Variants in CNBD1 observed in about 807,000 individuals in gnomAD.
The protein encoded by CNBD1 is cyclic nucleotide-binding domain-containing protein 1.
CNBD1 carries 71 observed loss-of-function variants against 54.4 expected under a neutral mutation model. The observed-to-expected ratio is 1.30, with a 90% confidence interval of 1.08 to 1.59. CNBD1 has a LOEUF of 1.59. CNBD1 is among the 40% of genes most tolerant of loss of function. The pLI, the probability that CNBD1 is intolerant of heterozygous loss-of-function variation, is 0.00. For synonymous variants in CNBD1, 182 were observed against 170.7 expected, an observed-to-expected ratio of 1.07 and a Z score of -0.51; for missense variants, 659 against 518.0, an observed-to-expected ratio of 1.27 and a Z score of -2.64.
At chr8:86,973,715 G>A (rs1412957571) in intron 4 of CNBD1, among the ~76,000 whole-genome samples, 1 of 152,134 alleles carries the variant, frequency 6.6e-6, no homozygotes, top group Non-Finnish European at 1.5e-5. Flanking sequence ...GTACTACCAG[G>A]TGGAATTCCA....
intron 2 of CNBD1, among the ~76,000 whole-genome samples, chr8:87,420,937 A>C (rs1379718720): frequency 2.0e-5 from 3 of 152,064 alleles, no homozygotes; most frequent in Non-Finnish European, 4.4e-5. Context: ...GCTTTCAATA[A>C]ATATTGAATT....
chr8:87,162,010 C>G (rs1441060240), intron 4 of CNBD1, among the ~76,000 whole-genome samples: 1 of 151,994 alleles, frequency 6.6e-6, no homozygotes, highest in Non-Finnish European at 1.5e-5. Context: ...GAAACAATTT[C>G]AAACTTACGT....
intron 1 of CNBD1, among the ~76,000 whole-genome samples, chr8:86,877,282 A>G (rs1188767936): frequency 6.6e-6 from 1 of 152,136 alleles, no homozygotes; most frequent in Non-Finnish European, 1.5e-5. Context: ...ATTATAATCT[A>G]TGAATAAGTT....
chr8:86,920,124 A>G (rs6981203), intron 3 of CNBD1, among the ~76,000 whole-genome samples: 47,635 of 152,056 alleles, frequency 0.31, 7,622 homozygotes, highest in East Asian at 0.42. Context: ...TTTCAATGAG[A>G]TAAACTACAA....
At chr8:87,204,258 G>A (rs1246110655) in intron 4 of CNBD1, among the ~76,000 whole-genome samples, 1 of 152,224 alleles carries the variant, frequency 6.6e-6, no homozygotes, top group East Asian at 1.9e-4. Flanking sequence ...CCAAAGCCAA[G>A]GTTATGTTGT....
intron 3 of CNBD1, among the ~76,000 whole-genome samples, chr8:86,914,043 T>G (rs956134495): frequency 1.3e-5 from 2 of 151,962 alleles, no homozygotes; most frequent in Non-Finnish European, 2.9e-5. Flanking sequence ...CAGCCAGACT[T>G]TAAGATTATT....
At chr8:87,123,552 C>T (rs1197874525) in intron 4 of CNBD1, among the ~76,000 whole-genome samples, 3 of 151,446 alleles carry the variant, frequency 2.0e-5, no homozygotes, top group Non-Finnish European at 4.4e-5. Flanking sequence ...GCATTTAATG[C>T]TTATATCAAA....
intron 8 of CNBD1, among the ~76,000 whole-genome samples, chr8:87,336,586 G>T (rs942372065): frequency 6.6e-6 from 1 of 152,044 alleles, no homozygotes; most frequent in Non-Finnish European, 1.5e-5. Flanking sequence ...ATTCCAGTTA[G>T]CAGCTCCTCT....
At chr8:86,994,491 A>G (rs1458003104) in intron 4 of CNBD1, among the ~76,000 whole-genome samples, 1 of 152,210 alleles carries the variant, frequency 6.6e-6, no homozygotes, top group East Asian at 1.9e-4. Flanking sequence ...CTATGGGCAC[A>G]AAGGCCTCTG....
chr8:87,344,583 A>G (rs1810132070), intron 8 of CNBD1, among the ~76,000 whole-genome samples: 1 of 152,116 alleles, frequency 6.6e-6, no homozygotes, highest in African/African-American at 2.4e-5. Flanking sequence ...AATAAAATAA[A>G]TCTCTTTACT....
rs1809640524 is a variant in CNBD1 at position 87,325,167 on chromosome 8, A to G, written c.1043-26518A>G. Among the ~76,000 whole-genome samples, 2 of 94,650 alleles carry G rather than the reference A, an allele frequency of 2.1e-5. 1 individual carries two copies. Among genetic ancestry groups the G allele is most frequent in the African/African-American group, 1.3e-4 (2 of 15,470 alleles). 62.1% of individuals were successfully genotyped at this position (94,650 alleles called of 152,430 possible). A position where few individuals can be genotyped will look rare whatever the true frequency, so the allele number is the denominator to read the frequency against. On this transcript the variant is annotated intron_variant, in intron 8 of 10. Coordinates refer to ENST00000518476, the MANE Select transcript of CNBD1 (RefSeq NM_173538.3). Reference sequence around the variant, plus strand: ...GTTTGATTTCACTGTGGTCTGAGAGATAGTTTGTTATAATTTCTGTTCTTT... The same window carrying G: ...GTTTGATTTCACTGTGGTCTGAGAGGTAGTTTGTTATAATTTCTGTTCTTT...
chr8:87,335,519 G>T (rs1048640743), intron 8 of CNBD1, among the ~76,000 whole-genome samples: 1 of 151,866 alleles, frequency 6.6e-6, no homozygotes, highest in Admixed American at 6.6e-5. Context: ...AGAGACTAGG[G>T]TTTCCACCTT....
chr8:87,247,742 C>T (rs1300568579), intron 6 of CNBD1, among the ~76,000 whole-genome samples: 1 of 152,176 alleles, frequency 6.6e-6, no homozygotes, highest in South Asian at 2.1e-4. Context: ...GCTCTGCATC[C>T]ATTTCCTCAT....
At chr8:86,899,683 C>T (rs150236775) in intron 2 of CNBD1, among the ~76,000 whole-genome samples, 4 of 152,138 alleles carry the variant, frequency 2.6e-5, no homozygotes, top group Non-Finnish European at 2.9e-5. Flanking sequence ...TGCTGGCTTG[C>T]GCTTATGGCA....
intron 4 of CNBD1, among the ~76,000 whole-genome samples, chr8:86,988,693 G>T (rs1423269028): frequency 6.6e-6 from 1 of 151,982 alleles, no homozygotes; most frequent in Admixed American, 6.6e-5. Context: ...CCCAGCCTAT[G>T]ATATTCATTA....
At chr8:86,894,739 T>C (rs11776448) in intron 2 of CNBD1, among the ~76,000 whole-genome samples, 74,095 of 151,970 alleles carry the variant, frequency 0.49, 18,785 homozygotes, top group South Asian at 0.61. Context: ...TTTTCCTCTG[T>C]TTCCATAATT....
intron 5 of CNBD1, among the ~76,000 whole-genome samples, chr8:87,230,075 CA>C: frequency 6.6e-6 from 1 of 152,164 alleles, no homozygotes; most frequent in African/African-American, 2.4e-5. Flanking sequence ...TGGCAGAAGG[CA>C]AAATGGGAGC....
At chr8:87,132,783 G>C (rs2130728341) in intron 4 of CNBD1, among the ~76,000 whole-genome samples, 1 of 143,112 alleles carries the variant, frequency 7.0e-6, no homozygotes, top group East Asian at 2.0e-4. Flanking sequence ...CATTCAATTT[G>C]CATATATATA....
intron 2 of CNBD1, among the ~76,000 whole-genome samples, chr8:87,416,630 G>T (rs1396316789): frequency 1.3e-5 from 2 of 152,002 alleles, no homozygotes; most frequent in African/African-American, 4.8e-5. Flanking sequence ...GATTCACCTT[G>T]GAAGTTTGTT....
Sources: allele counts gnomAD v4.1 joint callset (sites outside exome capture counted in the v4.1 genomes callset), GRCh38; gene constraint gnomAD v4.1.1; transcripts MANE v1.5; gene names NCBI Gene and HGNC (gene_info 2026-07-23, HGNC 2026-07-21).